TNR: variants seen among roughly 807,000 people sequenced by gnomAD.
TNR encodes tenascin-R.
Under a neutral mutation model 150.4 loss-of-function variants are expected in TNR, and 45 were observed. That is an observed-to-expected ratio of 0.30 (90% CI 0.24 to 0.38). The LOEUF is 0.38. Among genes scored for constraint, TNR ranks in the 10% least tolerant of loss-of-function variants. The pLI is 1.00. For missense variants in TNR, 1,544 were observed against 1,759.1 expected, an observed-to-expected ratio of 0.88 and a Z score of 2.19; for synonymous variants, 687 against 678.4, an observed-to-expected ratio of 1.01 and a Z score of -0.20.
At position 175,426,862 on chromosome 1, in the gene TNR, TAAA is replaced by T. The variant is rs368707222; in HGVS notation, c.-63-20088_-63-20086del. On this transcript the variant is annotated intron_variant, in intron 2 of 22. Transcript: ENST00000367674. ...TATATATATAAAATATAAATATATA[TAAA>T]ATATATTATATATATAAAATATAAA... Among the ~76,000 whole-genome samples the T allele has an allele frequency of 3.3e-4, 18 of 53,796 alleles. 1 individual carries two copies. The highest frequency in any genetic ancestry group is 1.7e-3 in the African/African-American group (17 of 9,770). 35.3% of individuals were successfully genotyped at this position (53,796 alleles called of 152,430 possible). A position where few individuals can be genotyped will look rare whatever the true frequency, so the allele number is the denominator to read the frequency against.
chr1:175,497,290 T>C (rs1200851516), intron 2 of TNR, among the ~76,000 whole-genome samples: 1 of 152,226 alleles, frequency 6.6e-6, no homozygotes, highest in Non-Finnish European at 1.5e-5. Context: ...GATCATGTGC[T>C]CCTCCGCTTG....
rs752881259 is a variant in TNR, at chr1:175,347,425, A to ATTAT, written c.3382+6962_3382+6965dup. Among the ~76,000 whole-genome samples the ATTAT allele has an allele frequency of 1.6e-4, 25 of 151,812 alleles. No homozygotes were observed. The East Asian group carries it at 4.1e-3, about 25-fold the overall frequency. On this transcript the variant is annotated intron_variant, in intron 18 of 22. Coordinates refer to ENST00000367674, the MANE Select transcript of TNR (RefSeq NM_003285.3). Reference sequence around the variant, plus strand: ...ATAGGCTTTTTTGTTTGTTTGTTTTATTATTTATTTATTTATTTTTGAGAC... The same window carrying ATTAT: ...ATAGGCTTTTTTGTTTGTTTGTTTTATTATTTATTTATTTATTTATTTTTGAGAC...
chr1:175,441,497 A>G (rs1299097487), intron 2 of TNR, among the ~76,000 whole-genome samples: 1 of 152,224 alleles, frequency 6.6e-6, no homozygotes, highest in Non-Finnish European at 1.5e-5. Flanking sequence ...CTATATATAT[A>G]TTAAAGGAGA....
Position 175,599,518 on chromosome 1 carries a change from G to T in TNR, c.-164-71149C>A, listed in dbSNP as rs1189474659. Among the ~76,000 whole-genome samples, 1 of 152,250 alleles carries T rather than the reference G, an allele frequency of 6.6e-6. No homozygotes were observed. Among genetic ancestry groups the T allele is most frequent in the African/African-American group, 2.4e-5 (1 of 41,478 alleles). ...GACGGAGTAATTCGCAGATGCCACC[G>T]AGCGGTGGGGCGGCGCGGTTAATGG... On this transcript the variant is annotated intron_variant, in intron 1 of 22. Coordinates refer to ENST00000367674, the MANE Select transcript of TNR (RefSeq NM_003285.3). The surrounding 1 kb of genome is among the most constrained non-coding windows in gnomAD (Gnocchi z 4.7).
chr1:175,489,619 T>C (rs775102753), intron 2 of TNR, among the ~76,000 whole-genome samples: 5 of 152,154 alleles, frequency 3.3e-5, no homozygotes, highest in African/African-American at 4.8e-5. Context: ...TGGGAGGAAA[T>C]TGTTAGCTAT....
chr1:175,526,159 G>C (rs1659841822), intron 2 of TNR, among the ~76,000 whole-genome samples: 1 of 151,960 alleles, frequency 6.6e-6, no homozygotes, highest in Non-Finnish European at 1.5e-5. Context: ...AGTTACAGAG[G>C]GTGCTGAACA....
chr1:175,345,760 G>A (rs1295646304), intron 18 of TNR, among the ~76,000 whole-genome samples: 2 of 151,754 alleles, frequency 1.3e-5, no homozygotes, highest in East Asian at 3.9e-4. Context: ...AGAGGAGAAA[G>A]TGCTTAAATA....
chr1:175,363,480 G>C (rs1164568708), intron 13 of TNR, among the ~76,000 whole-genome samples: 1 of 152,138 alleles, frequency 6.6e-6, no homozygotes, highest in Non-Finnish European at 1.5e-5. Flanking sequence ...AGTTACCTCT[G>C]CTAGTGAAGG....
At chr1:175,677,602 C>G (rs1665901851) in intron 1 of TNR, among the ~76,000 whole-genome samples, 1 of 152,186 alleles carries the variant, frequency 6.6e-6, no homozygotes, top group South Asian at 2.1e-4. Flanking sequence ...CGTAACAACT[C>G]TTTCCCAGGA....
chr1:175,331,071 T>TTCCTTC lies in TNR; in HGVS notation c.3632-837_3632-836insGAAGGA, dbSNP rs1557867976. ...TTTCTTTCTTTCTTTCTTTCTTTCTTTCTTTCCTTCTTTCTTTCTTTCTTT... is the reference window on the plus strand; with the variant it reads ...TTTCTTTCTTTCTTTCTTTCTTTCTTTCCTTCTCTTTCCTTCTTTCTTTCTTTCTTT... On this transcript the variant is annotated intron_variant, in intron 20 of 22. Transcript: ENST00000367674. Among the ~76,000 whole-genome samples, 203 of 124,106 alleles carry TTCCTTC rather than the reference T, an allele frequency of 1.6e-3. 14 individuals carry two copies. The highest frequency in any genetic ancestry group is 4.4e-3 in the African/African-American group (135 of 30,430). The allele number at this position is 124,106 out of a possible 152,430, so 81.4% of individuals were successfully genotyped here.
intron 1 of TNR, among the ~76,000 whole-genome samples, chr1:175,618,467 A>G (rs1210766570): frequency 1.3e-5 from 2 of 152,150 alleles, no homozygotes; most frequent in Non-Finnish European, 2.9e-5. Context: ...CCTGGACTCA[A>G]CTGAATGCAT....
At chr1:175,688,432 A>G (rs1196296244) in intron 1 of TNR, among the ~76,000 whole-genome samples, 1 of 152,258 alleles carries the variant, frequency 6.6e-6, no homozygotes, top group Non-Finnish European at 1.5e-5. Context: ...CTCTGCCTGG[A>G]GCAAAGCAGA....
intron 2 of TNR, among the ~76,000 whole-genome samples, chr1:175,435,345 A>G (rs1216832472): frequency 6.6e-6 from 1 of 152,186 alleles, no homozygotes; most frequent in Non-Finnish European, 1.5e-5. Flanking sequence ...TGAGAGAAAG[A>G]AGGAAGTAAA....
At chr1:175,475,767 A>T (rs868498744) in intron 2 of TNR, among the ~76,000 whole-genome samples, 1 of 145,500 alleles carries the variant, frequency 6.9e-6, no homozygotes. Flanking sequence ...CCTACCCTGG[A>T]TGAGGAAAAA....
At chr1:175,732,840 A>T (rs1468225312) in intron 1 of TNR, among the ~76,000 whole-genome samples, 1 of 152,236 alleles carries the variant, frequency 6.6e-6, no homozygotes, top group Admixed American at 6.5e-5. Context: ...GATTGTTGAG[A>T]TCAGTTAGTT....
intron 2 of TNR, among the ~76,000 whole-genome samples, chr1:175,488,944 CA>C (rs1658127544): frequency 6.6e-6 from 1 of 152,142 alleles, no homozygotes; most frequent in Admixed American, 6.5e-5. Context: ...AGGACAAAGG[CA>C]TGTTCAGAAT....
intron 1 of TNR, among the ~76,000 whole-genome samples, chr1:175,555,782 A>G (rs919270945): frequency 6.6e-6 from 1 of 152,240 alleles, no homozygotes; most frequent in Non-Finnish European, 1.5e-5. Context: ...ACCATGAAGA[A>G]TCTAAAGTAG....
At chr1:175,699,551 G>A (rs924871750) in intron 1 of TNR, among the ~76,000 whole-genome samples, 1 of 152,110 alleles carries the variant, frequency 6.6e-6, no homozygotes, top group African/African-American at 2.4e-5. Context: ...ATCAGTGAGG[G>A]CTAAGCAGGC....
intron 2 of TNR, among the ~76,000 whole-genome samples, chr1:175,416,319 A>T (rs1354493803): frequency 6.6e-6 from 1 of 152,178 alleles, no homozygotes; most frequent in Non-Finnish European, 1.5e-5. Context: ...TAAGTCCTGA[A>T]TCACATTTCT....
Sources: allele counts gnomAD v4.1 joint callset (sites outside exome capture counted in the v4.1 genomes callset), GRCh38; gene constraint gnomAD v4.1.1; non-coding constraint Gnocchi (gnomAD v3.1); transcripts MANE v1.5; gene names NCBI Gene and HGNC (gene_info 2026-07-23, HGNC 2026-07-21).